HMGA2: variants seen among roughly 807,000 people sequenced by gnomAD.
HMGA2 encodes the protein high mobility group protein HMGI-C.
A neutral mutation model predicts 19.1 loss-of-function variants in HMGA2; 8 were observed. The ratio of observed to expected loss-of-function variants is 0.42; its 90% CI spans 0.25 to 0.76. The LOEUF (loss-of-function observed/expected upper bound fraction) is 0.76, where lower values mean the gene tolerates loss of function less well. HMGA2 is among the 30% of genes least tolerant of loss of function. The pLI is 0.28. For missense variants in HMGA2, 109 were observed against 136.3 expected, an observed-to-expected ratio of 0.80 and a Z score of 1.00; for synonymous variants, 60 against 48.8, an observed-to-expected ratio of 1.23 and a Z score of -0.96.
At chr12:65,866,584 C>T (rs1054844889) in intron 3 of HMGA2, among the ~76,000 whole-genome samples, 1 of 152,122 alleles carries the variant, frequency 6.6e-6, no homozygotes, top group African/African-American at 2.4e-5. Context: ...TTGCAGGTGT[C>T]TTAAGAGTCA....
At chr12:65,866,107 G>GA (rs1325192617) in intron 3 of HMGA2, among the ~76,000 whole-genome samples, 1 of 152,082 alleles carries the variant, frequency 6.6e-6, no homozygotes, top group Non-Finnish European at 1.5e-5. Context: ...AAACGTTGGG[G>GA]AAAAAATGGA....
chr12:65,824,837 CA>C lies in HMGA2; in HGVS notation c.-432del. On this transcript the variant is annotated 5_prime_UTR_variant, in exon 1 of 5. Transcript: ENST00000403681. ...ACATTTCAAGGGACACAATTCACTC[CA>C]AGTCTCTTCCCTTTCCAAGCCGCTT... 4.2e-6 allele frequency: 1 copy of C among 237,292 alleles called. No homozygotes were observed. Among genetic ancestry groups the C allele is most frequent in the Non-Finnish European group, 8.3e-6 (1 of 121,174 alleles). 14.7% of individuals were successfully genotyped at this position (237,292 alleles called of 1,614,324 possible). A position where few individuals can be genotyped will look rare whatever the true frequency, so the allele number is the denominator to read the frequency against.
chr12:65,876,637 A>C (rs1873047965), intron 3 of HMGA2, among the ~76,000 whole-genome samples: 1 of 151,836 alleles, frequency 6.6e-6, no homozygotes, highest in Non-Finnish European at 1.5e-5. Flanking sequence ...CTGATTTTTG[A>C]AAACCATAAA....
Position 65,838,534 on chromosome 12 carries a change from G to A in HMGA2, c.214G>A (p.Gly72Arg). The A allele has an allele frequency of 1.9e-6, 3 of 1,612,084 alleles. No individual in the cohort carries two copies. Among genetic ancestry groups the A allele is most frequent in the South Asian group, 1.1e-5 (1 of 90,760 alleles). ...KAAQKKAEATGEKRPRGRPRK... is the reference protein window; with the variant it reads ...KAAQKKAEATREKRPRGRPRK... Reference sequence around the variant, plus strand: ...TCATTTGCAGAAAGCAGAAGCCACTGGAGAAAAACGGCCAAGAGGCAGACC... The same window carrying A: ...TCATTTGCAGAAAGCAGAAGCCACTAGAGAAAAACGGCCAAGAGGCAGACC... Residue 72 changes from glycine to arginine, a missense_variant, in exon 3 of 5, where the codon GGA becomes AGA. By Grantham distance (125) the Gly-to-Arg change is moderately radical (BLOSUM62 -2). Transcript: ENST00000403681.
At chr12:65,884,488 T>A (rs1338190900) in intron 3 of HMGA2, among the ~76,000 whole-genome samples, 1 of 152,220 alleles carries the variant, frequency 6.6e-6, no homozygotes, top group Non-Finnish European at 1.5e-5. Flanking sequence ...TAATGACTGA[T>A]CAATATTAAT....
intron 3 of HMGA2, among the ~76,000 whole-genome samples, chr12:65,941,808 A>G (rs778534408): frequency 8.5e-5 from 13 of 152,238 alleles, no homozygotes; most frequent in Non-Finnish European, 1.8e-4. Context: ...CTTGGAACCA[A>G]ATAAATTTTC....
chr12:65,903,806 T>C lies in HMGA2; in HGVS notation c.250-47577T>C, dbSNP rs59648614. The stretch of plus-strand genomic sequence containing the variant: ...AGTTATGCCACGTCTTTTGGCTTTT[T>C]GATTGGTGAGAAGTAAGGCTTCTGT... On this transcript the variant is annotated intron_variant, in intron 3 of 4. Transcript: ENST00000403681. Among the ~76,000 whole-genome samples the C allele has an allele frequency of 2.0e-5, 3 of 152,338 alleles. No individual in the cohort carries two copies. In the East Asian group the frequency reaches 5.8e-4, roughly 29 times the overall value.
intron 3 of HMGA2, among the ~76,000 whole-genome samples, chr12:65,855,315 C>A (rs1469109148): frequency 6.6e-6 from 1 of 152,154 alleles, no homozygotes; most frequent in Non-Finnish European, 1.5e-5. Flanking sequence ...AGAACCATGT[C>A]ATCTTGACAC....
chr12:65,842,100 A>G (rs1160631789), intron 3 of HMGA2: 10 of 1,289,164 alleles, frequency 7.8e-6, no homozygotes, highest in Non-Finnish European at 9.1e-6. Flanking sequence ...GGCTAGAGGT[A>G]AATTGGGTCT....
chr12:65,946,736 G>T (rs1241662321), intron 3 of HMGA2, among the ~76,000 whole-genome samples: 1 of 152,024 alleles, frequency 6.6e-6, no homozygotes, highest in African/African-American at 2.4e-5. Flanking sequence ...TTCTGAAATA[G>T]GTGGAATGGC....
intron 3 of HMGA2, chr12:65,867,576 G>C (rs1592401987): frequency 2.4e-6 from 1 of 424,166 alleles, no homozygotes; most frequent in Non-Finnish European, 4.8e-6. Context: ...GTTGGACTGA[G>C]CACACATGAA....
chr12:65,887,929 C>T (rs907701955), intron 3 of HMGA2, among the ~76,000 whole-genome samples: 13 of 150,760 alleles, frequency 8.6e-5, no homozygotes, highest in African/African-American at 3.2e-4. Flanking sequence ...AATCTAATTG[C>T]CCCTTCCTTG....
intron 1 of HMGA2, chr12:65,826,103 G>C (rs1423872961): frequency 1.3e-5 from 2 of 152,274 alleles, no homozygotes; most frequent in Non-Finnish European, 2.9e-5. Flanking sequence ...GTTGAAAGGA[G>C]TGTCCAAGAG....
At chr12:65,921,459 C>T (rs937366950) in intron 3 of HMGA2, among the ~76,000 whole-genome samples, 2 of 151,958 alleles carry the variant, frequency 1.3e-5, no homozygotes, top group Non-Finnish European at 1.5e-5. Flanking sequence ...ATGTTAGCCA[C>T]GATGGTCTCG....
rs556810456 is a variant in HMGA2 at position 65,828,331 on chromosome 12, T to A, written c.198+244T>A. The stretch of plus-strand genomic sequence containing the variant: ...TTTAAACAAACAGCCACCAAATAAT[T>A]TGAACCTTAAAACGGGTAGAAGTGA... On this transcript the variant is annotated intron_variant, in intron 2 of 4. Transcript: ENST00000403681. 7.3e-4 allele frequency: 264 copies of A among 361,398 alleles called. 2 individuals carry two copies. Among genetic ancestry groups the A allele is most frequent in the African/African-American group, 5.9e-3 (235 of 40,112 alleles). 22.4% of individuals were successfully genotyped at this position (361,398 alleles called of 1,614,324 possible). A position where few individuals can be genotyped will look rare whatever the true frequency, so the allele number is the denominator to read the frequency against.
intron 2 of HMGA2, among the ~76,000 whole-genome samples, chr12:65,836,186 C>T (rs1870712366): frequency 6.6e-6 from 1 of 151,766 alleles, no homozygotes; most frequent in South Asian, 2.1e-4. Context: ...GGTGAAACCC[C>T]GTCTCTACTA....
chr12:65,933,941 A>G (rs1875805834), intron 3 of HMGA2, among the ~76,000 whole-genome samples: 1 of 152,198 alleles, frequency 6.6e-6, no homozygotes, highest in African/African-American at 2.4e-5. Flanking sequence ...CCTGGGACAG[A>G]GTATGCCCAG....
chr12:65,859,471 T>C (rs985603964), intron 3 of HMGA2: 3 of 152,214 alleles, frequency 2.0e-5, no homozygotes, highest in Admixed American at 6.5e-5. Flanking sequence ...ATTTTTCTTA[T>C]ATACATGTAG....
chr12:65,888,554 CTTTTTTTTTTTTTT>C (rs1180942808), intron 3 of HMGA2, among the ~76,000 whole-genome samples: 4 of 40,578 alleles, frequency 9.9e-5, no homozygotes, highest in African/African-American at 3.0e-4. Context: ...GTGGTGTGCT[CTTTTTTTTTTTTTT>C]TTTTTTTTTT....
Sources: gnomAD v4.1 joint callset for allele counts (sites outside exome capture counted in the v4.1 genomes callset) on GRCh38, gnomAD v4.1.1 for gene constraint, MANE v1.5 for transcripts, NCBI Gene and HGNC (gene_info 2026-07-23, HGNC 2026-07-21) for gene names.